The following PAX5 variants were observed in gnomAD, a reference collection of about 807,000 sequenced individuals.
PAX5 encodes the protein paired box protein Pax-5.
A neutral mutation model predicts 43.7 loss-of-function variants in PAX5; 9 were observed. That is an observed-to-expected ratio of 0.21 (90% CI 0.12 to 0.36). The LOEUF (loss-of-function observed/expected upper bound fraction) is 0.36. PAX5 is among the 10% of genes least tolerant of loss of function. The pLI is 1.00. For synonymous variants in PAX5, 228 were observed against 214.3 expected (o/e 1.06, Z -0.56); for missense variants, 383 against 532.7 (o/e 0.72, Z 2.77).
intron 6 of PAX5, among the ~76,000 whole-genome samples, chr9:36,960,487 G>A (rs893198383): frequency 1.3e-5 from 2 of 152,168 alleles, no homozygotes; most frequent in African/African-American, 4.8e-5. Flanking sequence ...GCGTGATGGG[G>A]ATGAAGGTCC....
Position 36,846,883 on chromosome 9 carries a change from C to G in PAX5, c.1059G>C (p.Ser353=), listed in dbSNP as rs774366679. 1.2e-6 allele frequency: 2 copies of G among 1,613,950 alleles called. No homozygotes were observed. Among genetic ancestry groups the G allele is most frequent in the African/African-American group, 1.3e-5 (1 of 74,912 alleles). ...GSPYSHPQYS[S]YNDSWRFPNP... ...TGGGGAACCTCCAGGAGTCGTTGTA[C>G]GAGGAATACTGAGGGTGGCTGTAGG... The change falls in exon 9 of 10, where the codon TCG becomes TCC. Residue 353 remains serine, a synonymous_variant. Coordinates refer to ENST00000358127, the MANE Select transcript of PAX5 (RefSeq NM_016734.3).
Position 36,846,932 on chromosome 9 carries a change from G to A in PAX5, c.1013-3C>T, listed in dbSNP as rs371567663. The A allele has an allele frequency of 9.4e-6, 15 of 1,603,322 alleles. No individual in the cohort carries two copies. Among genetic ancestry groups the A allele is most frequent in the African/African-American group, 8.0e-5 (6 of 74,858 alleles). On this transcript the variant is annotated splice_region_variant and splice_polypyrimidine_tract_variant and intron_variant, in intron 8 of 9. Coordinates refer to ENST00000358127, the MANE Select transcript of PAX5 (RefSeq NM_016734.3). The stretch of plus-strand genomic sequence containing the variant: ...GGGACTCCCGGAAAACTCACTCCCT[G>A]TGTATGGTGGGTGGAGAGAGAAACA...
At chr9:36,979,655 A>T (rs1835742703) in intron 5 of PAX5, among the ~76,000 whole-genome samples, 1 of 152,196 alleles carries the variant, frequency 6.6e-6, no homozygotes, top group Non-Finnish European at 1.5e-5. Flanking sequence ...GCCCAGGGTC[A>T]CACAGCAGAG....
chr9:36,847,038 G>A (rs1822661399), intron 8 of PAX5, 109 bp from the exon 9 acceptor site: 4 of 697,504 alleles, frequency 5.7e-6, no homozygotes, highest in Non-Finnish European at 1.0e-5. Context: ...CCTCTTCCGT[G>A]AGTTGCAGGC....
intron 2 of PAX5, 30 bp downstream of exon 2, chr9:37,020,606 T>C: frequency 6.2e-7 from 1 of 1,611,042 alleles, no homozygotes; most frequent in Non-Finnish European, 8.5e-7. Context: ...ATTTGAAAGA[T>C]CAAGGGAAGC....
At chr9:36,939,400 G>A (rs760942252) in intron 6 of PAX5, among the ~76,000 whole-genome samples, 1 of 152,048 alleles carries the variant, frequency 6.6e-6, no homozygotes, top group Non-Finnish European at 1.5e-5. Flanking sequence ...CCAGACCCTG[G>A]GTAGGCCCTG....
chr9:36,952,469 A>T (rs76808622), intron 6 of PAX5, among the ~76,000 whole-genome samples: 10,087 of 152,096 alleles, frequency 0.066, 397 homozygotes, highest in South Asian at 0.13. Flanking sequence ...GACCATTCAC[A>T]TTCAAAGTGA....
chr9:36,882,224 C>A lies in PAX5; in HGVS notation c.911-119G>T. On this transcript the variant is annotated intron_variant, in intron 7 of 9. Transcript: ENST00000358127. This position sits in a 1 kb window ranked among gnomAD's most constrained non-coding sequence, Gnocchi z 4.4. ...GTTTGGACGCTGAACGGCAATGTGC[C>A]CCCAGCTCCCCCCTGTCGCTCACAC... The A allele has an allele frequency of 3.0e-6, 2 of 674,490 alleles. No homozygotes were observed. Among genetic ancestry groups the A allele is most frequent in the South Asian group, 1.9e-5 (1 of 52,162 alleles). 41.8% of individuals were successfully genotyped at this position (674,490 alleles called of 1,614,324 possible).
intron 7 of PAX5, among the ~76,000 whole-genome samples, chr9:36,904,404 G>A (rs1363389959): frequency 6.6e-6 from 1 of 152,110 alleles, no homozygotes; most frequent in East Asian, 1.9e-4. Flanking sequence ...GGAACTAATG[G>A]GTCTGAAAAG....
intron 6 of PAX5, among the ~76,000 whole-genome samples, chr9:36,936,280 A>G (rs1224025299): frequency 6.6e-6 from 1 of 152,180 alleles, no homozygotes; most frequent in Admixed American, 6.5e-5. Flanking sequence ...CCTGTGGGGA[A>G]GGGGGATGGG....
chr9:37,020,390 A>G (rs1373558786), intron 2 of PAX5, among the ~76,000 whole-genome samples: 3 of 152,204 alleles, frequency 2.0e-5, no homozygotes, highest in Non-Finnish European at 4.4e-5. Context: ...CTTTAGAACA[A>G]TTCACCAGGC....
chr9:36,960,768 G>T (rs10758418), intron 6 of PAX5, among the ~76,000 whole-genome samples: 112,137 of 152,086 alleles, frequency 0.74, 41,771 homozygotes, highest in South Asian at 0.87. Flanking sequence ...CTGACTTCCT[G>T]TCACTGACCC....
intron 6 of PAX5, among the ~76,000 whole-genome samples, chr9:36,949,916 A>G (rs1832857215): frequency 1.4e-5 from 2 of 146,034 alleles, no homozygotes; most frequent in African/African-American, 5.1e-5. Context: ...GTTCCTCGGG[A>G]CCTCCCACCA....
At position 36,837,638 on chromosome 9, in the gene PAX5, G is replaced by A. The variant is rs1211743173; in HGVS notation, c.*2922C>T. 2 of 233,248 alleles carry A rather than the reference G, an allele frequency of 8.6e-6. No homozygotes were observed. Among genetic ancestry groups the A allele is most frequent in the African/African-American group, 4.4e-5 (2 of 45,366 alleles). The allele number at this position is 233,248 out of a possible 1,614,324, so 14.4% of individuals were successfully genotyped here. Reference sequence around the variant, plus strand: ...CACGAGGTGCTGTGAATTGGTGAGAGCGGGCGTGTGTGTGTGAGAACATCC... The same window carrying A: ...CACGAGGTGCTGTGAATTGGTGAGAACGGGCGTGTGTGTGTGAGAACATCC... On this transcript the variant is annotated 3_prime_UTR_variant, in exon 10 of 10. Transcript: ENST00000358127.
At chr9:37,032,818 G>C (rs998073690) in intron 1 of PAX5, among the ~76,000 whole-genome samples, 39 of 152,326 alleles carry the variant, frequency 2.6e-4, no homozygotes, top group African/African-American at 9.4e-4. Context: ...TCTCCTCTCA[G>C]ACATAAACAC....
chr9:36,969,549 C>A (rs1242966791), intron 5 of PAX5, among the ~76,000 whole-genome samples: 1 of 152,254 alleles, frequency 6.6e-6, no homozygotes, highest in African/African-American at 2.4e-5. Flanking sequence ...AGACCCTCCC[C>A]CTGAGGACAC....
rs144876905 is a variant in PAX5 at position 37,005,349 on chromosome 9, G to A, written c.475+1124C>T. Among the ~76,000 whole-genome samples, 11 of 152,312 alleles carry A rather than the reference G, an allele frequency of 7.2e-5. No individual in the cohort carries two copies. The East Asian group carries it at 1.7e-3, about 24-fold the overall frequency. On this transcript the variant is annotated intron_variant, in intron 4 of 9. Transcript: ENST00000358127. ...GGCCTCTGATGCCAAGGTCTGCACC[G>A]CAGGGACTTAGCAGACACTTTCTGA...
intron 8 of PAX5, among the ~76,000 whole-genome samples, chr9:36,854,071 C>T (rs937968042): frequency 3.9e-5 from 6 of 152,268 alleles, no homozygotes; most frequent in African/African-American, 1.4e-4. Flanking sequence ...CAGCCAAGTT[C>T]TGTTTCTGAA....
In PAX5 at chr9:36,833,360, A is replaced by G. The variant is rs1378255269; in HGVS notation, c.*7200T>C. ...TAATTATCTCACATAAAGGTTACATAAAATCAATTCTTCACAAGTAACAGC... is the reference window on the plus strand; with the variant it reads ...TAATTATCTCACATAAAGGTTACATGAAATCAATTCTTCACAAGTAACAGC... On this transcript the variant is annotated 3_prime_UTR_variant, in exon 10 of 10. Coordinates refer to ENST00000358127, the MANE Select transcript of PAX5 (RefSeq NM_016734.3). The G allele has an allele frequency of 4.3e-6, 1 of 233,052 alleles. No homozygotes were observed. The highest frequency in any genetic ancestry group is 2.2e-5 in the African/African-American group (1 of 45,336). 14.4% of individuals were successfully genotyped at this position (233,052 alleles called of 1,614,324 possible). A position where few individuals can be genotyped will look rare whatever the true frequency, so the allele number is the denominator to read the frequency against.
Sources: allele counts gnomAD v4.1 joint callset (sites outside exome capture counted in the v4.1 genomes callset), GRCh38; gene constraint gnomAD v4.1.1; non-coding constraint Gnocchi (gnomAD v3.1); transcripts MANE v1.5; gene names NCBI Gene and HGNC (gene_info 2026-07-23, HGNC 2026-07-21).